The following ADAM32 variants were observed in gnomAD, a reference collection of about 807,000 sequenced individuals.
ADAM32 encodes ADAM metallopeptidase domain 32, also known as disintegrin and metalloproteinase domain-containing protein 32.
Under a neutral mutation model 114.9 loss-of-function variants are expected in ADAM32, and 89 were observed. The ratio of observed to expected loss-of-function variants is 0.77; its 90% confidence interval spans 0.65 to 0.92. The LOEUF (loss-of-function observed/expected upper bound fraction) is 0.92. Among genes scored for constraint, ADAM32 ranks in the 40% least tolerant of loss-of-function variants. The pLI, the probability that ADAM32 is intolerant of heterozygous loss-of-function variation, is 0.00. For missense variants in ADAM32, 870 were observed against 932.8 expected (o/e 0.93, Z 0.88); for synonymous variants, 285 against 307.5 (o/e 0.93, Z 0.77).
At chr8:39,283,746 A>G (rs1447862267) in intron 24 of ADAM32, 122 bp downstream of exon 24, 4 of 604,820 alleles carry the variant, frequency 6.6e-6, no homozygotes, top group Non-Finnish European at 1.1e-5. Context: ...TACTGCACCA[A>G]TAAATAACCT....
intron 1 of ADAM32, among the ~76,000 whole-genome samples, chr8:39,116,697 C>A (rs1191676316): frequency 6.6e-6 from 1 of 152,152 alleles, no homozygotes; most frequent in Non-Finnish European, 1.5e-5. Context: ...GAGAGTTTGA[C>A]TTCCTCTCTT....
chr8:39,189,943 C>G (rs1806498733), intron 11 of ADAM32, among the ~76,000 whole-genome samples: 1 of 152,074 alleles, frequency 6.6e-6, no homozygotes, highest in African/African-American at 2.4e-5. Flanking sequence ...GCCTCCCGAG[C>G]AGCTGGAACT....
At chr8:39,133,637 C>A (rs1802597655) in intron 2 of ADAM32, among the ~76,000 whole-genome samples, 1 of 152,174 alleles carries the variant, frequency 6.6e-6, no homozygotes, top group Non-Finnish European at 1.5e-5. Context: ...GCTGGGTCAG[C>A]CAGTTCCCAG....
At chr8:39,140,565 T>C (rs1277085052) in intron 3 of ADAM32, among the ~76,000 whole-genome samples, 1 of 152,234 alleles carries the variant, frequency 6.6e-6, no homozygotes, top group East Asian at 1.9e-4. Context: ...CAGTATTTTA[T>C]TGAGGATTTT....
rs1806567301 is a variant in ADAM32 at position 39,191,048 on chromosome 8, T to G, written c.1052+4003T>G. ...TGTTAGTTTGCTAAAGATAATGGCC[T>G]CCAGCTCCATCCATCGTCCTGCAAA... is the stretch of plus-strand genomic sequence containing the variant. On this transcript the variant is annotated intron_variant, in intron 11 of 24. Coordinates refer to ENST00000379907, the MANE Select transcript of ADAM32 (RefSeq NM_145004.7). Among the ~76,000 whole-genome samples the G allele has an allele frequency of 2.0e-5, 3 of 152,100 alleles. No individual in the cohort carries two copies. In the South Asian group the frequency reaches 6.2e-4, roughly 32 times the overall value.
chr8:39,116,896 T>A (rs1173367919), intron 1 of ADAM32, among the ~76,000 whole-genome samples: 4 of 152,006 alleles, frequency 2.6e-5, no homozygotes, highest in Non-Finnish European at 4.4e-5. Context: ...GTTACTTTTT[T>A]TTTTTGAGAC....
chr8:39,193,409 T>C (rs534473103), intron 11 of ADAM32, among the ~76,000 whole-genome samples: 1 of 152,356 alleles, frequency 6.6e-6, no homozygotes, highest in Non-Finnish European at 1.5e-5. Context: ...TATCATTTTA[T>C]TGTGATTCTT....
At chr8:39,225,599 T>C (rs938949302) in intron 14 of ADAM32, among the ~76,000 whole-genome samples, 1 of 152,140 alleles carries the variant, frequency 6.6e-6, no homozygotes, top group African/African-American at 2.4e-5. Context: ...TCTTTCACCA[T>C]TGAAAACCCA....
intron 10 of ADAM32, among the ~76,000 whole-genome samples, chr8:39,180,767 C>T (rs970621024): frequency 1.3e-5 from 2 of 151,044 alleles, no homozygotes; most frequent in African/African-American, 4.9e-5. Context: ...CTGGTGGGGC[C>T]TTGGAGAACC....
intron 10 of ADAM32, among the ~76,000 whole-genome samples, chr8:39,178,809 G>A (rs141161991): frequency 5.9e-5 from 9 of 152,200 alleles, no homozygotes; most frequent in South Asian, 4.2e-4. Context: ...TTTGCTGGGG[G>A]TTCACTCCAG....
intron 6 of ADAM32, among the ~76,000 whole-genome samples, chr8:39,156,450 A>T (rs1804156225): frequency 6.6e-6 from 1 of 152,196 alleles, no homozygotes; most frequent in Non-Finnish European, 1.5e-5. Flanking sequence ...CAGCTATAAT[A>T]ATATCTTCTA....
At chr8:39,189,205 A>G (rs527238155) in intron 11 of ADAM32, among the ~76,000 whole-genome samples, 9 of 152,102 alleles carry the variant, frequency 5.9e-5, no homozygotes, top group African/African-American at 2.2e-4. Flanking sequence ...AAATACTAAG[A>G]CTTAGATAAT....
intron 19 of ADAM32, among the ~76,000 whole-genome samples, chr8:39,260,432 T>C (rs944408407): frequency 2.6e-5 from 4 of 152,320 alleles, no homozygotes; most frequent in Admixed American, 1.3e-4. Flanking sequence ...TGATAGCTTT[T>C]CACTGTTAAG....
At chr8:39,203,127 T>A (rs900175911) in intron 11 of ADAM32, among the ~76,000 whole-genome samples, 1 of 152,118 alleles carries the variant, frequency 6.6e-6, no homozygotes, top group Non-Finnish European at 1.5e-5. Context: ...GGGTGGAGAG[T>A]TCTGTAGATG....
intron 11 of ADAM32, among the ~76,000 whole-genome samples, chr8:39,206,417 G>A (rs1807836388): frequency 6.6e-6 from 1 of 152,098 alleles, no homozygotes; most frequent in African/African-American, 2.4e-5. Context: ...CCTGTTCTCA[G>A]GTTTCCAGAT....
At chr8:39,206,586 C>A (rs568986748) in intron 11 of ADAM32, among the ~76,000 whole-genome samples, 2 of 152,278 alleles carry the variant, frequency 1.3e-5, no homozygotes, top group Non-Finnish European at 2.9e-5. Flanking sequence ...TTGCAGCAGA[C>A]CTGGGTAGGA....
chr8:39,171,267 A>G (rs1465163974), intron 10 of ADAM32, among the ~76,000 whole-genome samples: 1 of 152,142 alleles, frequency 6.6e-6, no homozygotes, highest in Non-Finnish European at 1.5e-5. Context: ...CGATAGCACA[A>G]TAGGGTGACT....
At chr8:39,118,877 T>A (rs1372031883) in intron 2 of ADAM32, among the ~76,000 whole-genome samples, 2 of 152,182 alleles carry the variant, frequency 1.3e-5, no homozygotes, top group Non-Finnish European at 2.9e-5. Context: ...AGAATGTTGC[T>A]ATCAATCCTA....
At chr8:39,139,538 C>A (rs1402252803) in intron 3 of ADAM32, among the ~76,000 whole-genome samples, 1 of 152,170 alleles carries the variant, frequency 6.6e-6, no homozygotes, top group Non-Finnish European at 1.5e-5. Context: ...GTCTATATCT[C>A]TGTTTTGGTA....
Sources: gnomAD v4.1 joint callset for allele counts (sites outside exome capture counted in the v4.1 genomes callset) on GRCh38, gnomAD v4.1.1 for gene constraint, MANE v1.5 for transcripts, NCBI Gene and HGNC (gene_info 2026-07-23, HGNC 2026-07-21) for gene names.